Variants in PRMT5 observed in about 807,000 individuals in gnomAD.
The protein encoded by PRMT5 is protein arginine N-methyltransferase 5.
Under a neutral mutation model 84.0 loss-of-function variants are expected in PRMT5, and 15 were observed. That is an observed-to-expected ratio of 0.18 (90% confidence interval 0.12 to 0.28). The LOEUF (loss-of-function observed/expected upper bound fraction) is 0.28. PRMT5 is among the 10% of genes least tolerant of loss of function. The pLI, the probability that PRMT5 is intolerant of heterozygous loss-of-function variation, is 1.00. For synonymous variants in PRMT5, 276 were observed against 292.4 expected (o/e 0.94, Z 0.57); for missense variants, 486 against 808.0 (o/e 0.60, Z 4.83).
At position 22,926,314 on chromosome 14, in the gene PRMT5, A is replaced by C; in HGVS notation, c.614-18T>G. 6.2e-7 allele frequency: 1 copy of C among 1,611,882 alleles called. No homozygotes were observed. Among genetic ancestry groups the C allele is most frequent in the Non-Finnish European group, 8.5e-7 (1 of 1,178,820 alleles). On this transcript the variant is annotated intron_variant, in intron 6 of 16. Transcript: ENST00000324366. ...TTCAAGAGCTACATGAGGCAAAAGA[A>C]AAACTGTCAACCACTGCCAGGCAAG...
chr14:22,925,147 T>G, intron 7 of PRMT5, 107 bp from the exon 8 acceptor site: 1 of 1,149,942 alleles, frequency 8.7e-7, no homozygotes, highest in South Asian at 1.8e-5. Flanking sequence ...AGATCAACAG[T>G]TCTCTTTTTT....
Position 22,924,057 on chromosome 14 carries a change from G to C in PRMT5, c.1326C>G (p.Asp442Glu), listed in dbSNP as rs2044362068. Residue 442 changes from aspartate to glutamate, a missense_variant, in exon 12 of 17, where the codon GAC becomes GAG. This residue lies in a region of PRMT5 where 219 missense variants were observed against 433.6 expected (regional missense o/e 0.51). Transcript: ENST00000324366. This position sits in a 1 kb window ranked among gnomAD's most constrained non-coding sequence, Gnocchi z 6.5. ...CCAGGCACTCAGGCGACAATTCATT[G>C]TCAGCAAATGAGCCCAGAAGCTCAC... Reference protein sequence around the residue: ...IVSELLGSFADNELSPECLDG... With the variant: ...IVSELLGSFAENELSPECLDG... 1 of 1,604,232 alleles carries C rather than the reference G, an allele frequency of 6.2e-7. No homozygotes were observed. Among genetic ancestry groups the C allele is most frequent in the Non-Finnish European group, 8.5e-7 (1 of 1,175,878 alleles).
rs545629656 is a variant in PRMT5 at position 22,920,803 on chromosome 14, T to C, written c.*101A>G. ...AGCAGATTGAAATGCTCCTCTCTGA[T>C]GGGCAAGGGGAATCACAGCCCATAG... On this transcript the variant is annotated 3_prime_UTR_variant, in exon 17 of 17. Transcript: ENST00000324366. The C allele has an allele frequency of 8.6e-6, 13 of 1,511,024 alleles. No individual in the cohort carries two copies. The highest frequency in any genetic ancestry group is 1.2e-5 in the Non-Finnish European group (13 of 1,086,646). The allele number at this position is 1,511,024 out of a possible 1,614,324, so 93.6% of individuals were successfully genotyped here.
In PRMT5 at chr14:22,923,608, G is replaced by C. The variant is rs1594513143; in HGVS notation, c.1375+400C>G. ...AGCTCACTGCAACCTTCTCCTCCCA[G>C]GTTCAAGTGATTCTCGCGCCTCAGC... On this transcript the variant is annotated intron_variant, in intron 12 of 16. Coordinates refer to ENST00000324366, the MANE Select transcript of PRMT5 (RefSeq NM_006109.5). This position sits in a 1 kb window ranked among gnomAD's most constrained non-coding sequence, Gnocchi z 5.2. 6.6e-6 allele frequency among the ~76,000 whole-genome samples: 1 copy of C among 152,078 alleles called. No homozygotes were observed. Among genetic ancestry groups the C allele is most frequent in the East Asian group, 1.9e-4 (1 of 5,180 alleles).
chr14:22,924,519 G>C lies in PRMT5; in HGVS notation c.1036C>G (p.Leu346Val), dbSNP rs1171477458. ...TTCTCCTCTTCTGGTACTCGGTCTA[G>C]CAGACATTTATAGATGGCCTGGAGG... ...QYQQAIYKCL[L>V]DRVPEEEKDT... The change falls in exon 10 of 17, where the codon CTA becomes GTA. Residue 346 changes from leucine to valine, a missense_variant. Coordinates refer to ENST00000324366, the MANE Select transcript of PRMT5 (RefSeq NM_006109.5). This position sits in a 1 kb window ranked among gnomAD's most constrained non-coding sequence, Gnocchi z 6.5. 6.2e-7 allele frequency: 1 copy of C among 1,613,994 alleles called. No individual in the cohort carries two copies. The highest frequency in any genetic ancestry group is 8.5e-7 in the Non-Finnish European group (1 of 1,179,986).
At position 22,926,118 on chromosome 14, in the gene PRMT5, C is replaced by CCT; in HGVS notation, c.777+13_777+14dup. The CCT allele has an allele frequency of 1.3e-6, 2 of 1,595,790 alleles. No homozygotes were observed. Among genetic ancestry groups the CCT allele is most frequent in the Non-Finnish European group, 1.7e-6 (2 of 1,163,876 alleles). On this transcript the variant is annotated intron_variant, in intron 7 of 16. Transcript: ENST00000324366. ...TGTATAGCTGGACTACCTTTAGAAC[C>CCT]CTCCTACCACTCACCTTGAGGAGCC...
intron 16 of PRMT5, 82 bp downstream of exon 16, chr14:22,922,094 A>C: frequency 8.1e-7 from 1 of 1,233,948 alleles, no homozygotes; most frequent in East Asian, 2.3e-5. Context: ...ATAGTCAACT[A>C]TCTTCCTGGG....
chr14:22,926,627 T>G, intron 5 of PRMT5, 72 bp from the exon 6 acceptor site: 1 of 1,601,522 alleles, frequency 6.2e-7, no homozygotes, highest in Non-Finnish European at 8.6e-7. Flanking sequence ...CAAGGAGACC[T>G]CCCTACAGGT....
At position 22,922,078 on chromosome 14, in the gene PRMT5, T is replaced by C. The variant is rs1461507949; in HGVS notation, c.1761+98A>G. On this transcript the variant is annotated intron_variant, in intron 16 of 16. Coordinates refer to ENST00000324366, the MANE Select transcript of PRMT5 (RefSeq NM_006109.5). Reference sequence around the variant, plus strand: ...AAGAGCATATGAAATCAGGAGAACATGAGTCATAGTCAACTATCTTCCTGG... The same window carrying C: ...AAGAGCATATGAAATCAGGAGAACACGAGTCATAGTCAACTATCTTCCTGG... The C allele has an allele frequency of 3.7e-6, 4 of 1,075,894 alleles. No individual in the cohort carries two copies. In the Admixed American group the frequency reaches 5.4e-5, roughly 15 times the overall value. 66.6% of individuals were successfully genotyped at this position (1,075,894 alleles called of 1,614,324 possible). A position where few individuals can be genotyped will look rare whatever the true frequency, so the allele number is the denominator to read the frequency against.
chr14:22,924,912 C>G lies in PRMT5; in HGVS notation c.906G>C (p.Lys302Asn). 6.2e-7 allele frequency: 1 copy of G among 1,614,166 alleles called. No homozygotes were observed. The highest frequency in any genetic ancestry group is 8.5e-7 in the Non-Finnish European group (1 of 1,180,030). ...PPPNAYELFA[K>N]GYEDYLQSPL... ...GGGACTGCAGATAGTCTTCATAGCC[C>G]TTGGCAAAGAGTTCATAGGCATTAG... is the stretch of plus-strand genomic sequence containing the variant. Residue 302 changes from lysine (K) to asparagine (N), a missense_variant, in exon 8 of 17, where the codon AAG becomes AAC. Physicochemically the swap from Lys to Asn is moderately conservative, Grantham distance 94. Coordinates refer to ENST00000324366, the MANE Select transcript of PRMT5 (RefSeq NM_006109.5). This position sits in a 1 kb window ranked among gnomAD's most constrained non-coding sequence, Gnocchi z 6.5.
At chr14:22,922,623 G>A (rs985622011) in intron 14 of PRMT5, 64 bp from the exon 15 acceptor site, 1 of 1,520,270 alleles carries the variant, frequency 6.6e-7, no homozygotes, top group South Asian at 1.1e-5. Flanking sequence ...GATAAAGCAT[G>A]AGCAAGACCC....
chr14:22,929,057 A>T, intron 1 of PRMT5, 195 bp downstream of exon 1: 1 of 1,387,168 alleles, frequency 7.2e-7, no homozygotes, highest in Non-Finnish European at 1.0e-6. Flanking sequence ...TTTGGGACTC[A>T]GTGACCACAG....
intron 7 of PRMT5, 124 bp from the exon 8 acceptor site, chr14:22,925,164 T>TG: frequency 9.8e-7 from 1 of 1,015,436 alleles, no homozygotes; most frequent in Non-Finnish European, 1.3e-6. Context: ...TTTTTTTTTT[T>TG]TTAAAAAAAA....
chr14:22,922,104 G>T, intron 16 of PRMT5, 72 bp downstream of exon 16: 1 of 1,302,208 alleles, frequency 7.7e-7, no homozygotes, highest in Non-Finnish European at 1.1e-6. Context: ...ATCTTCCTGG[G>T]AGAAGGAAAG....
intron 7 of PRMT5, 81 bp from the exon 8 acceptor site, chr14:22,925,121 G>T: frequency 7.0e-7 from 1 of 1,429,976 alleles, no homozygotes; most frequent in Non-Finnish European, 9.5e-7. Context: ...AAGAGCCCTA[G>T]TGTAAAATAA....
At chr14:22,926,459 A>C in intron 6 of PRMT5, 47 bp downstream of exon 6, 1 of 1,605,694 alleles carries the variant, frequency 6.2e-7, no homozygotes, top group South Asian at 1.1e-5. Context: ...TCTTATTCAC[A>C]GGAGGTAAGA....
At position 22,929,244 on chromosome 14, in the gene PRMT5, GC is replaced by G. The variant is rs748031624; in HGVS notation, c.110+7del. 8 of 1,613,744 alleles carry G rather than the reference GC, an allele frequency of 5.0e-6. No individual in the cohort carries two copies. The Admixed American group carries it at 1.3e-4, about 27-fold the overall frequency. On this transcript the variant is annotated splice_region_variant and intron_variant, in intron 1 of 16. Coordinates refer to ENST00000324366, the MANE Select transcript of PRMT5 (RefSeq NM_006109.5). ...CCCGCATTCCGCTCGTGGAGGTCCG[GC>G]CCTCACCCCTGCTTGGCCACAGCCC...
At chr14:22,921,151 C>T (rs1702579704) in intron 16 of PRMT5, 95 bp from the exon 17 acceptor site, 1 of 1,448,406 alleles carries the variant, frequency 6.9e-7, no homozygotes, top group South Asian at 1.2e-5. Context: ...ATAAACATGA[C>T]AAGACTGTCC....
chr14:22,922,378 T>C (rs767500154), intron 15 of PRMT5, 65 bp downstream of exon 15: 36 of 1,443,626 alleles, frequency 2.5e-5, no homozygotes, highest in Non-Finnish European at 3.5e-5. Context: ...AAATGACACA[T>C]GTACATATAA....
Sources: gnomAD v4.1 joint callset for allele counts (sites outside exome capture counted in the v4.1 genomes callset) on GRCh38, gnomAD v4.1.1 for gene constraint, gnomAD v4.1.1 regional missense constraint, Gnocchi (gnomAD v3.1) non-coding constraint, MANE v1.5 for transcripts, NCBI Gene and HGNC (gene_info 2026-07-23, HGNC 2026-07-21) for gene names.